WDR20: variants seen among roughly 807,000 people sequenced by gnomAD.
WDR20 encodes WD repeat-containing protein 20.
Under a neutral mutation model 38.7 loss-of-function variants are expected in WDR20, and 3 were observed. That is an observed-to-expected ratio of 0.08 (90% CI 0.04 to 0.20). The LOEUF is 0.20. Ranked by LOEUF, WDR20 falls within the 10% of genes least tolerant of loss-of-function variation. WDR20 has a pLI of 1.00. For missense variants in WDR20, 559 were observed against 727.7 expected (o/e 0.77, Z 2.67); for synonymous variants, 298 against 285.6 (o/e 1.04, Z -0.44).
chr14:102,164,011 A>G (rs1474062416), intron 1 of WDR20, among the ~76,000 whole-genome samples: 1 of 152,146 alleles, frequency 6.6e-6, no homozygotes, highest in Non-Finnish European at 1.5e-5. Flanking sequence ...TTTAAAAATG[A>G]TGGCTGTTGT....
At chr14:102,214,082 TGGC>T (rs2062903664), downstream of WDR20, 1 of 985,450 alleles carries the variant, frequency 1.0e-6, no homozygotes, top group African/African-American at 1.7e-5. Context: ...GGTTGCACCA[TGGC>T]GGCGGTCGGT....
intron 1 of WDR20, among the ~76,000 whole-genome samples, chr14:102,154,651 G>A (rs573891819): frequency 3.4e-4 from 51 of 152,198 alleles, no homozygotes; most frequent in African/African-American, 1.2e-3. Flanking sequence ...AAGCCTTTCT[G>A]TCTTATTCAT....
chr14:102,204,541 C>T (rs982433309), intron 2 of WDR20, among the ~76,000 whole-genome samples: 5 of 152,118 alleles, frequency 3.3e-5, no homozygotes, highest in Non-Finnish European at 7.4e-5. Flanking sequence ...TGTATCAGTG[C>T]CTGGCATATG....
At chr14:102,205,464 T>C (rs923243239) in intron 2 of WDR20, among the ~76,000 whole-genome samples, 1 of 152,212 alleles carries the variant, frequency 6.6e-6, no homozygotes, top group Non-Finnish European at 1.5e-5. Context: ...ATGTAAGGCT[T>C]TCTACTGTAT....
chr14:102,149,995 C>G (rs529671416), intron 1 of WDR20, among the ~76,000 whole-genome samples: 2 of 152,186 alleles, frequency 1.3e-5, no homozygotes, highest in East Asian at 3.9e-4. Flanking sequence ...ACCCAGACGT[C>G]GATTCTATTT....
intron 1 of WDR20, among the ~76,000 whole-genome samples, chr14:102,161,081 G>T (rs1201507726): frequency 7.2e-5 from 9 of 124,196 alleles, no homozygotes; most frequent in African/African-American, 2.1e-4. Flanking sequence ...TCACATGTAT[G>T]ATAAATTTCC....
At chr14:102,206,109 C>G (rs2061491187) in intron 2 of WDR20, among the ~76,000 whole-genome samples, 1 of 152,168 alleles carries the variant, frequency 6.6e-6, no homozygotes, top group Non-Finnish European at 1.5e-5. Flanking sequence ...GCCTCAGCCT[C>G]CAGAGCAGCT....
At chr14:102,163,262 C>T (rs1041073122) in intron 1 of WDR20, among the ~76,000 whole-genome samples, 9 of 152,100 alleles carry the variant, frequency 5.9e-5, no homozygotes, top group Non-Finnish European at 1.2e-4. Flanking sequence ...GGATGACTTC[C>T]ACCAGATACC....
At chr14:102,218,231 G>T (rs1220888294), downstream of WDR20, among the ~76,000 whole-genome samples, 1 of 152,252 alleles carries the variant, frequency 6.6e-6, no homozygotes, top group Non-Finnish European at 1.5e-5. Context: ...ACCAGAGAGG[G>T]TATTGAACAG....
At chr14:102,151,275 G>T (rs968791519) in intron 1 of WDR20, among the ~76,000 whole-genome samples, 1 of 149,256 alleles carries the variant, frequency 6.7e-6, no homozygotes, top group South Asian at 2.1e-4. Context: ...CAAGGCCTGT[G>T]CCTAGGCCTC....
downstream of WDR20, among the ~76,000 whole-genome samples, chr14:102,211,012 C>T (rs2153028557): frequency 6.6e-6 from 1 of 152,310 alleles, no homozygotes; most frequent in Non-Finnish European, 1.5e-5. The surrounding 1 kb of genome is among the most constrained non-coding windows in gnomAD (Gnocchi z 4.2). Context: ...GCGCCTCAGC[C>T]CAGGACCTGG....
intron 1 of WDR20, among the ~76,000 whole-genome samples, chr14:102,192,341 G>A (rs541008965): frequency 1.4e-4 from 22 of 151,880 alleles, no homozygotes; most frequent in Non-Finnish European, 2.5e-4. Context: ...CACCACGCCC[G>A]GCTAATTTTT....
chr14:102,204,219 G>A (rs776651529), intron 2 of WDR20, among the ~76,000 whole-genome samples: 6 of 152,116 alleles, frequency 3.9e-5, no homozygotes, highest in Non-Finnish European at 7.4e-5. Flanking sequence ...GTGTCTCTCC[G>A]CCTCGGAGTC....
At chr14:102,193,901 T>A (rs570553244) in intron 1 of WDR20, among the ~76,000 whole-genome samples, 41 of 152,004 alleles carry the variant, frequency 2.7e-4, no homozygotes, top group Non-Finnish European at 4.1e-4. Context: ...AGGGGGTGGG[T>A]TTCCCTTATT....
chr14:102,184,556 G>A (rs1596452374), intron 1 of WDR20, among the ~76,000 whole-genome samples: 1 of 152,108 alleles, frequency 6.6e-6, no homozygotes, highest in African/African-American at 2.4e-5. Context: ...TCCCCTGGTG[G>A]CCACCCTCTC....
chr14:102,210,448 G>A lies in WDR20; in HGVS notation c.*568G>A. On this transcript the variant is annotated 3_prime_UTR_variant, in exon 3 of 3. Coordinates refer to ENST00000342702, the MANE Select transcript of WDR20 (RefSeq NM_144574.4). ...ATTGTTCTGGCAATCCACAGAAAGAGAAGAGCCTTAATTTTTAAAACCCAT... is the reference window on the plus strand; with the variant it reads ...ATTGTTCTGGCAATCCACAGAAAGAAAAGAGCCTTAATTTTTAAAACCCAT... The A allele has an allele frequency of 1.0e-6, 1 of 985,372 alleles. No homozygotes were observed. Among genetic ancestry groups the A allele is most frequent in the Non-Finnish European group, 1.2e-6 (1 of 829,878 alleles). 61.0% of individuals were successfully genotyped at this position (985,372 alleles called of 1,614,324 possible).
chr14:102,197,664 C>T (rs1024778063), intron 2 of WDR20: 16 of 597,546 alleles, frequency 2.7e-5, no homozygotes, highest in African/African-American at 1.3e-4. Context: ...TTTCATGTCA[C>T]GTGAAGCAAT....
In WDR20 at chr14:102,200,457, ATT is replaced by A. The variant is rs746438768; in HGVS notation, c.432+5347_432+5348del. Among the ~76,000 whole-genome samples the A allele has an allele frequency of 6.3e-3, 696 of 111,004 alleles. 6 individuals are homozygous for A. The highest frequency in any genetic ancestry group is 8.9e-3 in the Middle Eastern group (2 of 224). The allele number at this position is 111,004 out of a possible 152,430, so 72.8% of individuals were successfully genotyped here. ...CAGGGGCGAGGAGTTTACTTTTTAAATTTTTTTTTTTGTGTGTGTGTGTGTGT... is the reference window on the plus strand; with the variant it reads ...CAGGGGCGAGGAGTTTACTTTTTAAATTTTTTTTTGTGTGTGTGTGTGTGT... On this transcript the variant is annotated intron_variant, in intron 2 of 2. Coordinates refer to ENST00000342702, the MANE Select transcript of WDR20 (RefSeq NM_144574.4).
chr14:102,143,744 CAT>C (rs2052406093), intron 1 of WDR20, among the ~76,000 whole-genome samples: 1 of 151,940 alleles, frequency 6.6e-6, no homozygotes, highest in Non-Finnish European at 1.5e-5. Flanking sequence ...GGGGTTTCAT[CAT>C]ATTGGCCAGG....
Sources: allele counts gnomAD v4.1 joint callset (sites outside exome capture counted in the v4.1 genomes callset), GRCh38; gene constraint gnomAD v4.1.1; non-coding constraint Gnocchi (gnomAD v3.1); transcripts MANE v1.5; gene names NCBI Gene and HGNC (gene_info 2026-07-23, HGNC 2026-07-21).